Variants in ATP9B observed in about 807,000 individuals in gnomAD.
ATP9B encodes ATPase phospholipid transporting 9B.
In ATP9B, 110 loss-of-function variants were observed where a neutral mutation model predicts 146.1. The observed-to-expected ratio is 0.75, with a 90% CI of 0.65 to 0.88. ATP9B has a LOEUF of 0.88. Among genes scored for constraint, ATP9B ranks in the 40% least tolerant of loss-of-function variants. The pLI is 0.00. For missense variants in ATP9B, 1,499 were observed against 1,496.4 expected (o/e 1.00, Z -0.03); for synonymous variants, 604 against 569.7 (o/e 1.06, Z -0.86).
At chr18:79,335,692 C>CCAT (rs2096820740) in intron 17 of ATP9B, among the ~76,000 whole-genome samples, 1 of 152,184 alleles carries the variant, frequency 6.6e-6, no homozygotes, top group African/African-American at 2.4e-5. Flanking sequence ...GCCCTCCCCT[C>CCAT]CATCACTAAC....
intron 3 of ATP9B, among the ~76,000 whole-genome samples, chr18:79,112,032 A>G (rs1381827968): frequency 2.6e-5 from 4 of 151,204 alleles, no homozygotes; most frequent in African/African-American, 9.7e-5. Context: ...ATAATTCAAA[A>G]CATTCTTAGA....
At chr18:79,143,263 A>T (rs1448529438) in intron 5 of ATP9B, among the ~76,000 whole-genome samples, 1 of 152,260 alleles carries the variant, frequency 6.6e-6, no homozygotes, top group Non-Finnish European at 1.5e-5. Flanking sequence ...TGTTTCGTAG[A>T]TAAGAATTTA....
At chr18:79,177,785 T>C (rs2095197089) in intron 8 of ATP9B, among the ~76,000 whole-genome samples, 1 of 152,224 alleles carries the variant, frequency 6.6e-6, no homozygotes, top group African/African-American at 2.4e-5. Flanking sequence ...AGAAGCTCTA[T>C]TTGAAAATTG....
At chr18:79,336,010 C>T (rs1407394154) in intron 17 of ATP9B, among the ~76,000 whole-genome samples, 3 of 151,368 alleles carry the variant, frequency 2.0e-5, no homozygotes, top group Non-Finnish European at 4.4e-5. Context: ...GCGCTCCCCT[C>T]GCCCGTCCCC....
chr18:79,207,045 C>T (rs764124977), intron 10 of ATP9B, 33 bp downstream of exon 10: 23 of 1,585,860 alleles, frequency 1.5e-5, no homozygotes, highest in Middle Eastern at 1.7e-4. Context: ...AGTGTGATTG[C>T]TCCCGGATAG....
At chr18:79,193,053 A>G (rs752151009) in intron 8 of ATP9B, 130 bp from the exon 9 acceptor site, 71 of 718,280 alleles carry the variant, frequency 9.9e-5, no homozygotes, top group Non-Finnish European at 1.4e-4. Context: ...TTGGCACACA[A>G]AAATCTAAGA....
At chr18:79,077,234 T>C (rs1182889336) in intron 1 of ATP9B, among the ~76,000 whole-genome samples, 2 of 152,186 alleles carry the variant, frequency 1.3e-5, no homozygotes, top group Non-Finnish European at 2.9e-5. Flanking sequence ...TTTGGGACCT[T>C]ATTTAAATCT....
intron 11 of ATP9B, among the ~76,000 whole-genome samples, chr18:79,227,348 C>T (rs1600659632): frequency 1.4e-5 from 2 of 144,422 alleles, no homozygotes; most frequent in Non-Finnish European, 3.0e-5. Flanking sequence ...GTTTCCAAAT[C>T]CCTGCAGTGA....
chr18:79,110,954 TATCTGTAA>T (rs1161631727), intron 3 of ATP9B, among the ~76,000 whole-genome samples: 2 of 152,210 alleles, frequency 1.3e-5, no homozygotes, highest in African/African-American at 4.8e-5. Context: ...AGTAACAAAG[TATCTGTAA>T]TATGCATATT....
chr18:79,273,868 G>T (rs1568549809), intron 12 of ATP9B, among the ~76,000 whole-genome samples: 1 of 152,226 alleles, frequency 6.6e-6, no homozygotes, highest in Non-Finnish European at 1.5e-5. Flanking sequence ...ATTTACGAAT[G>T]CTTTCTTCCT....
chr18:79,377,385 G>C lies in ATP9B; in HGVS notation c.*2G>C, dbSNP rs1400820585. ...AGCTACTGCAAGCTGGCCTCCTAAGGGGCTGTGCACCCCCAGCGGGCTGGC... is the reference window on the plus strand; with the variant it reads ...AGCTACTGCAAGCTGGCCTCCTAAGCGGCTGTGCACCCCCAGCGGGCTGGC... On this transcript the variant is annotated 3_prime_UTR_variant, in exon 30 of 30. Transcript: ENST00000426216. The C allele has an allele frequency of 3.1e-6, 5 of 1,606,818 alleles. No homozygotes were observed. In the South Asian group the frequency reaches 5.5e-5, roughly 18 times the overall value.
intron 13 of ATP9B, among the ~76,000 whole-genome samples, chr18:79,297,674 T>C (rs1184125473): frequency 6.6e-6 from 1 of 152,248 alleles, no homozygotes; most frequent in Non-Finnish European, 1.5e-5. Flanking sequence ...CTCTTCTTAA[T>C]AGAGAAGTTT....
At chr18:79,181,205 A>G (rs1296864219) in intron 8 of ATP9B, among the ~76,000 whole-genome samples, 3 of 152,132 alleles carry the variant, frequency 2.0e-5, no homozygotes, top group African/African-American at 7.2e-5. Flanking sequence ...TAGTCCTGAA[A>G]AGATGCTTAC....
At chr18:79,311,423 C>T (rs1424841950) in intron 15 of ATP9B, among the ~76,000 whole-genome samples, 1 of 152,134 alleles carries the variant, frequency 6.6e-6, no homozygotes, top group East Asian at 1.9e-4. Flanking sequence ...CAGATATAAA[C>T]ATCCCCTGAT....
rs543881012 is a variant in ATP9B, at chr18:79,316,057, C to T, written c.1773+8823C>T. ...TAGGGATTACTTCCTATCATAATGT[C>T]AGGCAGCAGTTAATTCCATATTAAT... On this transcript the variant is annotated intron_variant, in intron 15 of 29. Transcript: ENST00000426216. Among the ~76,000 whole-genome samples, 173 of 152,304 alleles carry T rather than the reference C, an allele frequency of 1.1e-3. 1 individual carries two copies. The highest frequency in any genetic ancestry group is 1.9e-3 in the Non-Finnish European group (132 of 68,036).
At chr18:79,370,371 A>C (rs1297212510) in intron 26 of ATP9B, among the ~76,000 whole-genome samples, 1 of 152,190 alleles carries the variant, frequency 6.6e-6, no homozygotes, top group Non-Finnish European at 1.5e-5. Flanking sequence ...ACGCAGAAGA[A>C]AGGCGTGTGC....
At chr18:79,181,102 G>A (rs1171595168) in intron 8 of ATP9B, among the ~76,000 whole-genome samples, 1 of 151,898 alleles carries the variant, frequency 6.6e-6, no homozygotes, top group African/African-American at 2.4e-5. Context: ...GAGCCATCAC[G>A]CTGGGCCTAT....
intron 1 of ATP9B, among the ~76,000 whole-genome samples, chr18:79,070,362 G>C (rs1211023257): frequency 1.3e-5 from 2 of 152,162 alleles, no homozygotes; most frequent in African/African-American, 4.8e-5. Flanking sequence ...GTACATACTG[G>C]AATGTTATAA....
chr18:79,232,765 G>A (rs2095804201), intron 11 of ATP9B, among the ~76,000 whole-genome samples: 1 of 152,168 alleles, frequency 6.6e-6, no homozygotes, highest in African/African-American at 2.4e-5. Flanking sequence ...AGAGATAACT[G>A]TAATCAGAGA....
Sources: allele counts gnomAD v4.1 joint callset (sites outside exome capture counted in the v4.1 genomes callset), GRCh38; gene constraint gnomAD v4.1.1; transcripts MANE v1.5; gene names NCBI Gene and HGNC (gene_info 2026-07-23, HGNC 2026-07-21).